The following PHLDB2 variants were observed in gnomAD, a reference collection of about 807,000 sequenced individuals.
PHLDB2 encodes pleckstrin homology-like domain family B member 2.
Under a neutral mutation model 123.6 loss-of-function variants are expected in PHLDB2, and 71 were observed. The observed-to-expected ratio is 0.57, with a 90% CI of 0.47 to 0.70. The LOEUF (loss-of-function observed/expected upper bound fraction) is 0.70, where lower values mean the gene tolerates loss of function less well. Among genes scored for constraint, PHLDB2 ranks in the 30% least tolerant of loss-of-function variants. PHLDB2 has a pLI of 0.00. For synonymous variants in PHLDB2, 547 were observed against 541.6 expected, an observed-to-expected ratio of 1.01 and a Z score of -0.14; for missense variants, 1,446 against 1,519.5, an observed-to-expected ratio of 0.95 and a Z score of 0.80.
chr3:111,864,794 T>C (rs2064989311), intron 1 of PHLDB2, among the ~76,000 whole-genome samples: 1 of 152,178 alleles, frequency 6.6e-6, no homozygotes, highest in Admixed American at 6.5e-5. Context: ...CTTTACAAAG[T>C]AAAAGGAAAG....
chr3:111,940,553 A>C lies in PHLDB2; in HGVS notation c.2305A>C (p.Lys769Gln). The change falls in exon 8 of 18, where the codon AAA (lysine) becomes CAA (glutamine). Residue 769 changes from lysine (K) to glutamine (Q), a missense_variant. Around this residue, in one of 3 missense-constraint regions of PHLDB2, gnomAD observed 594 missense variants for 646.0 expected, o/e 0.92. Coordinates refer to ENST00000431670, the MANE Select transcript of PHLDB2 (RefSeq NM_001134438.2). ...VSRKEKISAL[K>Q]KQANHIVQQA... ...CCTCCAGGAAAAAATTTCTGCATTG[A>C]AAAAGCAAGCCAATCACATTGTTCA... 6.2e-7 allele frequency: 1 copy of C among 1,600,410 alleles called. No homozygotes were observed. Among genetic ancestry groups the C allele is most frequent in the Non-Finnish European group, 8.5e-7 (1 of 1,173,906 alleles).
rs1161483650 is a variant in PHLDB2 at position 111,967,664 on chromosome 3, T to G, written c.3169-14T>G. 1.3e-6 allele frequency: 2 copies of G among 1,596,974 alleles called. No individual in the cohort carries two copies. The highest frequency in any genetic ancestry group is 3.6e-5 in the Admixed American group (2 of 55,638). Reference sequence around the variant, plus strand: ...GTATGTTTTAAAATAATCATTGTTATGCATAATGTTTAGGAACGGGAAATG... The same window carrying G: ...GTATGTTTTAAAATAATCATTGTTAGGCATAATGTTTAGGAACGGGAAATG... On this transcript the variant is annotated splice_polypyrimidine_tract_variant and intron_variant, in intron 14 of 17. Coordinates refer to ENST00000431670, the MANE Select transcript of PHLDB2 (RefSeq NM_001134438.2).
At chr3:111,857,139 G>T (rs1005929714), upstream of PHLDB2, among the ~76,000 whole-genome samples, 1 of 152,040 alleles carries the variant, frequency 6.6e-6, no homozygotes, top group Admixed American at 6.6e-5. Context: ...ACTGTGGCAG[G>T]GGCTAAGTGA....
At chr3:111,848,176 T>C (rs1184386886) in intron 2 of PHLDB2, among the ~76,000 whole-genome samples, 3 of 152,134 alleles carry the variant, frequency 2.0e-5, no homozygotes, top group Non-Finnish European at 4.4e-5. Flanking sequence ...GGACTGATAT[T>C]TCCAGTAGGA....
At chr3:111,735,373 C>T (rs1941652335) in intron 1 of PHLDB2, among the ~76,000 whole-genome samples, 1 of 152,108 alleles carries the variant, frequency 6.6e-6, no homozygotes, top group Non-Finnish European at 1.5e-5. Context: ...CCTTAATCCG[C>T]CCCCCACCCC....
At chr3:111,852,682 G>A (rs1013804320) in intron 2 of PHLDB2, among the ~76,000 whole-genome samples, 1 of 151,946 alleles carries the variant, frequency 6.6e-6, no homozygotes, top group African/African-American at 2.4e-5. Flanking sequence ...AGGCAAAGTA[G>A]ACCAATTCAG....
chr3:111,955,234 G>A (rs539065470), intron 12 of PHLDB2, among the ~76,000 whole-genome samples: 1 of 151,076 alleles, frequency 6.6e-6, no homozygotes, highest in South Asian at 2.1e-4. Context: ...ATTCATAATA[G>A]GTTTATAATG....
intron 1 of PHLDB2, among the ~76,000 whole-genome samples, chr3:111,792,034 G>T (rs1180889346): frequency 6.6e-6 from 1 of 152,094 alleles, no homozygotes; most frequent in African/African-American, 2.4e-5. Context: ...ACTTCCATGA[G>T]ATCAACTTTT....
intron 1 of PHLDB2, among the ~76,000 whole-genome samples, chr3:111,822,295 A>ATGTGTGTGTGTGTGTG (rs35687126): frequency 0.011 from 1,586 of 144,040 alleles, 11 homozygotes; most frequent in South Asian, 0.029. Flanking sequence ...ATCTTTATGT[A>ATGTGTGTGTGTGTGTG]TGTGTGTGTG....
chr3:111,811,081 G>A (rs72949194), intron 1 of PHLDB2, among the ~76,000 whole-genome samples: 12,554 of 152,166 alleles, frequency 0.083, 1,499 homozygotes, highest in African/African-American at 0.27. Flanking sequence ...AAAGGACTTT[G>A]GATGCAAGAA....
chr3:111,791,405 G>T (rs566835411), intron 1 of PHLDB2, among the ~76,000 whole-genome samples: 9 of 152,164 alleles, frequency 5.9e-5, no homozygotes, highest in African/African-American at 1.4e-4. Flanking sequence ...AGGACTCACA[G>T]GACTAACTCA....
At chr3:111,827,843 A>C (rs947971086) in intron 1 of PHLDB2, among the ~76,000 whole-genome samples, 1 of 152,314 alleles carries the variant, frequency 6.6e-6, no homozygotes, top group Non-Finnish European at 1.5e-5. Context: ...AGGGCTTACT[A>C]GAGTGCTTGG....
intron 1 of PHLDB2, among the ~76,000 whole-genome samples, chr3:111,777,090 G>A (rs916210713): frequency 2.6e-5 from 4 of 151,972 alleles, no homozygotes; most frequent in African/African-American, 9.7e-5. Context: ...TGATGAGGAG[G>A]CAGCATCATT....
chr3:111,938,492 G>A (rs2069645019), intron 6 of PHLDB2, among the ~76,000 whole-genome samples: 1 of 152,008 alleles, frequency 6.6e-6, no homozygotes, highest in Admixed American at 6.6e-5. Flanking sequence ...TATATAGTGT[G>A]CATGCCCAAA....
chr3:111,884,722 C>A lies in PHLDB2; in HGVS notation c.645C>A (p.Asp215Glu). The A allele has an allele frequency of 6.2e-7, 1 of 1,614,122 alleles. No individual in the cohort carries two copies. Among genetic ancestry groups the A allele is most frequent in the South Asian group, 1.1e-5 (1 of 91,076 alleles). Residue 215 changes from aspartate (D) to glutamate (E), a missense_variant, in exon 2 of 18, where the codon GAC (aspartate) becomes GAA (glutamate). Around this residue, in one of 3 missense-constraint regions of PHLDB2, gnomAD observed 832 missense variants for 831.9 expected, o/e 1.00. Coordinates refer to ENST00000431670, the MANE Select transcript of PHLDB2 (RefSeq NM_001134438.2). ...AAGCCAGGAAAATGAGCATTCAGGACAGCCTGGCGCTTCAACCCAAGTTAA... is the reference window on the plus strand; with the variant it reads ...AAGCCAGGAAAATGAGCATTCAGGAAAGCCTGGCGCTTCAACCCAAGTTAA... ...PKQARKMSIQ[D>E]SLALQPKLTR... is the part of the protein sequence containing the mutation.
chr3:111,930,168 C>T (rs1192687417), intron 5 of PHLDB2, among the ~76,000 whole-genome samples: 1 of 151,914 alleles, frequency 6.6e-6, no homozygotes. Context: ...GCCTCGGCCT[C>T]CCAAAGTGCT....
Position 111,940,655 on chromosome 3 carries a change from T to C in PHLDB2, c.2397+10T>C. 6.6e-7 allele frequency: 1 copy of C among 1,511,750 alleles called. No homozygotes were observed. Among genetic ancestry groups the C allele is most frequent in the Non-Finnish European group, 9.0e-7 (1 of 1,107,512 alleles). The allele number at this position is 1,511,750 out of a possible 1,614,324, so 93.6% of individuals were successfully genotyped here. On this transcript the variant is annotated intron_variant, in intron 8 of 17. Coordinates refer to ENST00000431670, the MANE Select transcript of PHLDB2 (RefSeq NM_001134438.2). ...AATGATGTTGCAAAGAGTAAGTATT[T>C]CCTTTTCAGCACTGGCTACAGTAAA...
upstream of PHLDB2, among the ~76,000 whole-genome samples, chr3:111,855,373 GGAAATA>G (rs150580891): frequency 0.014 from 2,137 of 152,054 alleles, 46 homozygotes; most frequent in African/African-American, 0.042. Flanking sequence ...AAAGAACCCA[GGAAATA>G]GAAAAGGTAG....
intron 15 of PHLDB2, among the ~76,000 whole-genome samples, chr3:111,968,563 T>C (rs13064126): frequency 0.39 from 59,336 of 152,042 alleles, 12,161 homozygotes; most frequent in East Asian, 0.58. Context: ...TGAACTCTAT[T>C]TTATCAAGAT....
Sources: allele counts gnomAD v4.1 joint callset (sites outside exome capture counted in the v4.1 genomes callset), GRCh38; gene constraint gnomAD v4.1.1; regional missense constraint gnomAD v4.1.1; transcripts MANE v1.5; gene names NCBI Gene and HGNC (gene_info 2026-07-23, HGNC 2026-07-21).